Variants in KIAA2012 observed in about 807,000 individuals in gnomAD.
KIAA2012 encodes uncharacterized protein KIAA2012.
KIAA2012 carries 125 observed loss-of-function variants against 150.6 expected under a neutral mutation model. The ratio of observed to expected loss-of-function variants is 0.83; its 90% CI spans 0.72 to 0.96. The LOEUF (loss-of-function observed/expected upper bound fraction) is 0.96. Ranked by LOEUF, KIAA2012 falls within the 40% of genes least tolerant of loss-of-function variation. KIAA2012 has a pLI of 0.00. For missense variants in KIAA2012, 1,219 were observed against 1,354.9 expected (o/e 0.90, Z 1.57); for synonymous variants, 462 against 504.7 (o/e 0.92, Z 1.13).
chr2:202,089,310 A>C (rs911557505), intron 2 of KIAA2012, among the ~76,000 whole-genome samples: 1 of 152,204 alleles, frequency 6.6e-6, no homozygotes, highest in African/African-American at 2.4e-5. Flanking sequence ...ACCTGTATGA[A>C]AATTTTGGTC....
intron 2 of KIAA2012, chr2:202,076,944 A>G: frequency 4.4e-6 from 2 of 456,630 alleles, no homozygotes; most frequent in African/African-American, 2.0e-5. Context: ...GAATTTGCCA[A>G]TGGGAGACGC....
At chr2:202,158,012 T>G (rs1162419233) in intron 14 of KIAA2012, among the ~76,000 whole-genome samples, 3 of 152,170 alleles carry the variant, frequency 2.0e-5, no homozygotes, top group Non-Finnish European at 4.4e-5. Context: ...ATATTTTTAT[T>G]TTTAGACAGT....
intron 15 of KIAA2012, among the ~76,000 whole-genome samples, chr2:202,177,962 G>T (rs1160690477): frequency 6.6e-6 from 1 of 152,202 alleles, no homozygotes; most frequent in African/African-American, 2.4e-5. Flanking sequence ...ACTTTGGGAG[G>T]CCAAGGCAGG....
chr2:202,154,870 A>G, intron 14 of KIAA2012, 60 bp downstream of exon 14: 1 of 1,501,798 alleles, frequency 6.7e-7, no homozygotes. Flanking sequence ...ATTCCAGTTA[A>G]TACACTTCTG....
chr2:202,086,721 T>C (rs1689579594), intron 2 of KIAA2012, among the ~76,000 whole-genome samples: 1 of 152,206 alleles, frequency 6.6e-6, no homozygotes, highest in Non-Finnish European at 1.5e-5. Context: ...TAGTAAGCCA[T>C]GTTTTCTTTT....
At chr2:202,078,448 C>T (rs575895378) in intron 2 of KIAA2012, among the ~76,000 whole-genome samples, 137 of 152,216 alleles carry the variant, frequency 9.0e-4, no homozygotes, top group African/African-American at 2.9e-3. Context: ...GCCACCATGC[C>T]GGGCCAATTT....
rs982010207 is a variant in KIAA2012, at chr2:202,122,795, C to A, written c.1763-2419C>A. On this transcript the variant is annotated intron_variant, in intron 11 of 23. Coordinates refer to ENST00000498697, the MANE Select transcript of KIAA2012 (RefSeq NM_001277372.4). The stretch of plus-strand genomic sequence containing the variant: ...CTGGGATTACAGGCGTGAGCCACAG[C>A]GCCCAGCCCAAATTATCTTTATTCT... Among the ~76,000 whole-genome samples, 4 of 152,242 alleles carry A rather than the reference C, an allele frequency of 2.6e-5. No homozygotes were observed. The East Asian group carries it at 7.7e-4, about 29-fold the overall frequency.
chr2:202,125,169 A>G, intron 11 of KIAA2012, 45 bp from the exon 12 acceptor site: 1 of 1,473,982 alleles, frequency 6.8e-7, no homozygotes, highest in Non-Finnish European at 9.3e-7. Context: ...AAATTTTTAC[A>G]AGACTTTTTC....
intron 2 of KIAA2012, among the ~76,000 whole-genome samples, chr2:202,083,805 G>A (rs1177623855): frequency 6.6e-6 from 1 of 152,172 alleles, no homozygotes; most frequent in Admixed American, 6.5e-5. Flanking sequence ...GCACAATCTG[G>A]TGAAAGAGGC....
In KIAA2012 at chr2:202,190,459, C is replaced by T. The variant is rs1174056438; in HGVS notation, c.2777C>T (p.Ser926Phe). ...GCAACTGTCACTGGCAACATGGAAT[C>T]TAAAGAAGAGAGAAGATGTGAGGAC... ...QIATVTGNME[S>F]KEERRCEDPS... The change falls in exon 19 of 24, where the codon TCT becomes TTT. Residue 926 changes from serine (S) to phenylalanine (F), a missense_variant. Physicochemically the swap from Ser to Phe is radical, Grantham distance 155. Coordinates refer to ENST00000498697, the MANE Select transcript of KIAA2012 (RefSeq NM_001277372.4). The T allele has an allele frequency of 6.5e-7, 1 of 1,544,350 alleles. No homozygotes were observed.
chr2:202,102,952 A>G lies in KIAA2012; in HGVS notation c.1162A>G (p.Lys388Glu). ...PGEVKKKKAP[K>E]ALKLPPISEE... The stretch of plus-strand genomic sequence containing the variant: ...GTTTTTAAATTTTCTCCAGGCACCA[A>G]AGGCTTTGAAATTACCTCCTATCTC... Residue 388 changes from lysine to glutamate, a missense_variant, in exon 8 of 24, where the codon AAG (lysine) becomes GAG (glutamate). By Grantham distance (56) the Lys-to-Glu change is moderately conservative. Transcript: ENST00000498697. The G allele has an allele frequency of 6.5e-7, 1 of 1,549,470 alleles. No individual in the cohort carries two copies. The highest frequency in any genetic ancestry group is 1.2e-5 in the South Asian group (1 of 83,848).
intron 13 of KIAA2012, among the ~76,000 whole-genome samples, chr2:202,142,178 C>A (rs893738890): frequency 7.9e-5 from 12 of 152,084 alleles, no homozygotes; most frequent in Non-Finnish European, 1.5e-4. Flanking sequence ...GAGATTTGTG[C>A]CTTCTCTTAC....
intron 3 of KIAA2012, among the ~76,000 whole-genome samples, chr2:202,092,688 T>C (rs1239030297): frequency 6.6e-6 from 1 of 151,902 alleles, no homozygotes; most frequent in Non-Finnish European, 1.5e-5. Flanking sequence ...CAGAAGCAAA[T>C]AGGATACATC....
At chr2:202,183,116 A>G (rs1483582983) in intron 15 of KIAA2012, among the ~76,000 whole-genome samples, 1 of 152,108 alleles carries the variant, frequency 6.6e-6, no homozygotes, top group East Asian at 1.9e-4. Flanking sequence ...TCATATCCTC[A>G]TAAGATAACA....
At position 202,195,399 on chromosome 2, in the gene KIAA2012, T is replaced by G. The variant is rs528340194; in HGVS notation, c.3187+1037T>G. ...TGGGTGTAGTGGTGTGTGCCTGTAGTCCCAGCTACTTCTTGGGAGGCTGAG... is the reference window on the plus strand; with the variant it reads ...TGGGTGTAGTGGTGTGTGCCTGTAGGCCCAGCTACTTCTTGGGAGGCTGAG... On this transcript the variant is annotated intron_variant, in intron 21 of 23. Transcript: ENST00000498697. Among the ~76,000 whole-genome samples the G allele has an allele frequency of 9.9e-5, 15 of 152,018 alleles. 1 individual carries two copies. Among genetic ancestry groups the G allele is most frequent in the South Asian group, 4.2e-4 (2 of 4,806 alleles).
chr2:202,149,400 A>G (rs1435529376), intron 13 of KIAA2012, among the ~76,000 whole-genome samples: 1 of 152,202 alleles, frequency 6.6e-6, no homozygotes, highest in African/African-American at 2.4e-5. Flanking sequence ...AAACGTTAAG[A>G]TAATGGCGGG....
intron 23 of KIAA2012, among the ~76,000 whole-genome samples, chr2:202,204,464 A>G (rs1282116561): frequency 6.6e-6 from 1 of 152,236 alleles, no homozygotes. Context: ...TATTTTTAGC[A>G]TACAAGTTAT....
chr2:202,190,305 A>G lies in KIAA2012; in HGVS notation c.2623A>G (p.Thr875Ala), dbSNP rs1692302239. 1 of 1,550,462 alleles carries G rather than the reference A, an allele frequency of 6.4e-7. No individual in the cohort carries two copies. The change falls in exon 19 of 24, where the codon ACA becomes GCA. Residue 875 changes from threonine (T) to alanine (A), a missense_variant. By Grantham distance (58) the Thr-to-Ala change is moderately conservative. Coordinates refer to ENST00000498697, the MANE Select transcript of KIAA2012 (RefSeq NM_001277372.4). Reference protein sequence around the residue: ...LSGPDVSYEETEDTSNRGSFA... With the variant: ...LSGPDVSYEEAEDTSNRGSFA... Reference sequence around the variant, plus strand: ...CGGGCCTGATGTCAGCTATGAGGAAACAGAAGACACCTCAAATAGAGGTTC... The same window carrying G: ...CGGGCCTGATGTCAGCTATGAGGAAGCAGAAGACACCTCAAATAGAGGTTC...
chr2:202,183,791 C>T (rs1449530507), intron 15 of KIAA2012, among the ~76,000 whole-genome samples: 3 of 152,118 alleles, frequency 2.0e-5, no homozygotes, highest in African/African-American at 7.2e-5. Context: ...CAGGCGTGAG[C>T]CTAACATTTG....
Sources: allele counts gnomAD v4.1 joint callset (sites outside exome capture counted in the v4.1 genomes callset), GRCh38; gene constraint gnomAD v4.1.1; transcripts MANE v1.5; gene names NCBI Gene and HGNC (gene_info 2026-07-23, HGNC 2026-07-21).